EEIG2: variants seen among roughly 807,000 people sequenced by gnomAD.
EEIG2 encodes the protein family with sequence similarity 102 member B.
the EEIG2 span, among the ~76,000 whole-genome samples, chr1:108,601,262 TTGTG>T: frequency 1.3e-5 from 2 of 151,424 alleles, no homozygotes; most frequent in African/African-American, 2.4e-5. Context: ...AACTTTCTGT[TTGTG>T]TGTGTGTGTA....
At chr1:108,628,182 G>A in the EEIG2 span, 5 of 1,614,000 alleles carry the variant, frequency 3.1e-6, no homozygotes, top group South Asian at 4.4e-5. Context: ...TCAGCAAAGA[G>A]TGCCTCTGTT....
At chr1:108,600,790 G>A in the EEIG2 span, 1 of 1,182,696 alleles carries the variant, frequency 8.5e-7, no homozygotes, top group East Asian at 2.5e-5. Flanking sequence ...CATTAGAACT[G>A]TATATGCAGT....
the EEIG2 span, among the ~76,000 whole-genome samples, chr1:108,622,524 A>G: frequency 6.6e-6 from 1 of 152,182 alleles, no homozygotes; most frequent in African/African-American, 2.4e-5. Context: ...GGCAGAGGTG[A>G]TATCCGTAAT....
At chr1:108,592,312 C>T in the EEIG2 span, among the ~76,000 whole-genome samples, 1 of 152,212 alleles carries the variant, frequency 6.6e-6, no homozygotes, top group Non-Finnish European at 1.5e-5. Context: ...TTTATTGTTT[C>T]CTGTGTTTGG....
the EEIG2 span, among the ~76,000 whole-genome samples, chr1:108,634,416 C>G: frequency 1.9e-4 from 29 of 152,154 alleles, no homozygotes; most frequent in Non-Finnish European, 3.5e-4. Context: ...AGGAGAGACA[C>G]TAGTCATGGT....
At chr1:108,632,379 C>T in the EEIG2 span, among the ~76,000 whole-genome samples, 1 of 152,136 alleles carries the variant, frequency 6.6e-6, no homozygotes, top group African/African-American at 2.4e-5. Flanking sequence ...CTTGCCATAA[C>T]AAAGTTTCTT....
the EEIG2 span, chr1:108,627,946 A>C: frequency 9.7e-6 from 5 of 517,958 alleles, no homozygotes; most frequent in African/African-American, 1.9e-5. Flanking sequence ...TTTTAATGTT[A>C]TGAAAAATAT....
the EEIG2 span, among the ~76,000 whole-genome samples, chr1:108,602,448 G>C: frequency 6.6e-6 from 1 of 152,150 alleles, no homozygotes; most frequent in African/African-American, 2.4e-5. Flanking sequence ...TTCCATTCAC[G>C]TGATTGTTTT....
chr1:108,617,063 C>T, the EEIG2 span, among the ~76,000 whole-genome samples: 2 of 152,108 alleles, frequency 1.3e-5, no homozygotes, highest in East Asian at 3.9e-4. Flanking sequence ...GTAGAGGAAA[C>T]AAGGACAAAG....
At chr1:108,618,212 G>A in the EEIG2 span, among the ~76,000 whole-genome samples, 11 of 152,304 alleles carry the variant, frequency 7.2e-5, no homozygotes, top group South Asian at 4.1e-4. Context: ...CTAGAACAGC[G>A]CCCTTGGATT....
chr1:108,634,847 C>T, the EEIG2 span, among the ~76,000 whole-genome samples: 4 of 152,066 alleles, frequency 2.6e-5, no homozygotes, highest in South Asian at 2.1e-4. Flanking sequence ...CACCATTTGT[C>T]GATAGGTCAA....
chr1:108,588,169 C>T, the EEIG2 span, among the ~76,000 whole-genome samples: 1 of 152,064 alleles, frequency 6.6e-6, no homozygotes, highest in Non-Finnish European at 1.5e-5. Flanking sequence ...ATGAAATGAA[C>T]ATGGGGGTGC....
chr1:108,614,544 A>G, the EEIG2 span, among the ~76,000 whole-genome samples: 6 of 151,922 alleles, frequency 3.9e-5, no homozygotes, highest in Admixed American at 2.6e-4. Flanking sequence ...ATTAAACTCA[A>G]ATTCCCTCAT....
chr1:108,607,957 G>A, the EEIG2 span, among the ~76,000 whole-genome samples: 1 of 151,898 alleles, frequency 6.6e-6, no homozygotes, highest in Non-Finnish European at 1.5e-5. Context: ...TGATCATATC[G>A]TTCCCCCATT....
chr1:108,617,652 A>G, the EEIG2 span, among the ~76,000 whole-genome samples: 1 of 152,196 alleles, frequency 6.6e-6, no homozygotes, highest in Admixed American at 6.5e-5. Context: ...AGAGGGAACG[A>G]GTAGAGATGG....
chr1:108,596,367 C>T, the EEIG2 span, among the ~76,000 whole-genome samples: 1 of 152,064 alleles, frequency 6.6e-6, no homozygotes, highest in Non-Finnish European at 1.5e-5. Flanking sequence ...AACAACCGAC[C>T]TGTTTCTCAC....
At chr1:108,560,333 G>C in the EEIG2 span, 1 of 1,002,818 alleles carries the variant, frequency 1.0e-6, no homozygotes, top group Non-Finnish European at 1.2e-6. Context: ...CACAGCTCGC[G>C]GCCCCGGCCA....
chr1:108,581,981 A>AAGAAAT, the EEIG2 span, among the ~76,000 whole-genome samples: 5 of 152,136 alleles, frequency 3.3e-5, no homozygotes, highest in African/African-American at 1.2e-4. Context: ...TTCTTCTCTT[A>AAGAAAT]TTTTAAGAAA....
chr1:108,616,765 C>A, the EEIG2 span, among the ~76,000 whole-genome samples: 1 of 152,076 alleles, frequency 6.6e-6, no homozygotes, highest in Non-Finnish European at 1.5e-5. Context: ...AGGCCATATT[C>A]TAGATACTAG....
Sources: gnomAD v4.1 joint callset for allele counts (sites outside exome capture counted in the v4.1 genomes callset) on GRCh38, gnomAD v4.1.1 for gene constraint, MANE v1.5 for transcripts, NCBI Gene and HGNC (gene_info 2026-07-23, HGNC 2026-07-21) for gene names.